Variants in SLC45A4 observed in about 807,000 individuals in gnomAD.
The protein encoded by SLC45A4 is polyamine-transporter SLC45A4.
Under a neutral mutation model 63.7 loss-of-function variants are expected in SLC45A4, and 32 were observed. That is an observed-to-expected ratio of 0.50 (90% CI 0.38 to 0.67). The LOEUF (loss-of-function observed/expected upper bound fraction) is 0.67, where lower values mean the gene tolerates loss of function less well. SLC45A4 is among the 30% of genes least tolerant of loss of function. The probability of loss-of-function intolerance (pLI) is 0.00; values close to 1 mark genes in which losing one functional copy is unlikely to be tolerated. For missense variants in SLC45A4, 1,027 were observed against 1,157.7 expected (o/e 0.89, Z 1.64); for synonymous variants, 535 against 510.0 (o/e 1.05, Z -0.66).
At position 141,227,807 on chromosome 8, in the gene SLC45A4, G is replaced by A. The variant is rs74745663; in HGVS notation, c.242-6042C>T. On this transcript the variant is annotated intron_variant, in intron 2 of 8. Coordinates refer to ENST00000517878, the MANE Select transcript of SLC45A4 (RefSeq NM_001286646.2). The surrounding 1 kb of genome is among the most constrained non-coding windows in gnomAD (Gnocchi z 4.4). ...GCTTTTCCTGAGCCTACTACAAACCGGCCCGTCATTTAGGGTGGAGGGGAC... is the reference window on the plus strand; with the variant it reads ...GCTTTTCCTGAGCCTACTACAAACCAGCCCGTCATTTAGGGTGGAGGGGAC... Among the ~76,000 whole-genome samples, 320 of 152,312 alleles carry A rather than the reference G, an allele frequency of 2.1e-3. 1 individual carries two copies. The highest frequency in any genetic ancestry group is 7.3e-3 in the African/African-American group (305 of 41,574).
chr8:141,218,597 C>T lies in SLC45A4; in HGVS notation c.1043G>A (p.Ser348Asn), dbSNP rs1391638306. The T allele has an allele frequency of 6.2e-7, 1 of 1,613,448 alleles. No individual in the cohort carries two copies. The highest frequency in any genetic ancestry group is 1.1e-5 in the South Asian group (1 of 91,082). The change falls in exon 5 of 9, where the codon AGC becomes AAC. Residue 348 changes from serine (S) to asparagine (N), a missense_variant. Coordinates refer to ENST00000517878, the MANE Select transcript of SLC45A4 (RefSeq NM_001286646.2). The part of the protein sequence containing the change: ...ASYPATPRST[S>N]QELAKTKLPR... ...CAGCTTGGTCTTGGCGAGCTCCTGG[C>T]TGGTGCTGCGGGGGGTGGCGGGGTA...
At chr8:141,230,914 A>AGGAT (rs1180574293) in intron 2 of SLC45A4, among the ~76,000 whole-genome samples, 1 of 152,200 alleles carries the variant, frequency 6.6e-6, no homozygotes, top group Admixed American at 6.5e-5. Flanking sequence ...CCGGGGATCC[A>AGGAT]GGAATGCGGA....
intron 1 of SLC45A4, among the ~76,000 whole-genome samples, chr8:141,301,948 G>A (rs1164012417): frequency 6.6e-6 from 1 of 151,456 alleles, no homozygotes; most frequent in African/African-American, 2.4e-5. Flanking sequence ...GGTGACAGAG[G>A]GAAACACTGT....
At chr8:141,216,066 C>CCAGCTGAACCCAG (rs1826131717) in intron 6 of SLC45A4, 96 bp from the exon 7 acceptor site, 2 of 1,095,710 alleles carry the variant, frequency 1.8e-6, no homozygotes, top group Non-Finnish European at 2.6e-6. Flanking sequence ...CACATCCCCC[C>CCAGCTGAACCCAG]GACCTCCACT....
Position 141,217,182 on chromosome 8 carries a change from G to A in SLC45A4, c.1637C>T (p.Ser546Leu), listed in dbSNP as rs749995626. The change falls in exon 6 of 9, where the codon TCG (serine) becomes TTG (leucine). Residue 546 changes from serine (S) to leucine (L), a missense_variant. Physicochemically the swap from Ser to Leu is moderately radical, Grantham distance 145. Coordinates refer to ENST00000517878, the MANE Select transcript of SLC45A4 (RefSeq NM_001286646.2). The stretch of plus-strand genomic sequence containing the variant: ...GTAGGCTTGCCAGGCGGTCGAGTTC[G>A]AGGGGGCCTGTTCCGGAAATGAGAC... ...VIFEGDPKAPSNSTAWQAYNA... is the reference protein window; with the variant it reads ...VIFEGDPKAPLNSTAWQAYNA... 7.4e-6 allele frequency: 12 copies of A among 1,613,488 alleles called. No individual in the cohort carries two copies. Among genetic ancestry groups the A allele is most frequent in the East Asian group, 6.7e-5 (3 of 44,878 alleles).
chr8:141,272,763 C>CT (rs1829590115), intron 1 of SLC45A4, among the ~76,000 whole-genome samples: 1 of 152,140 alleles, frequency 6.6e-6, no homozygotes, highest in African/African-American at 2.4e-5. Context: ...CTGCCTGGAG[C>CT]CGAGTTCCAA....
chr8:141,304,578 G>A lies in SLC45A4; in HGVS notation c.-401+3518C>T, dbSNP rs894075599. Among the ~76,000 whole-genome samples the A allele has an allele frequency of 8.6e-5, 13 of 150,922 alleles. 2 individuals are homozygous for A. Among genetic ancestry groups the A allele is most frequent in the Non-Finnish European group, 1.5e-5 (1 of 67,674 alleles). On this transcript the variant is annotated intron_variant, in intron 1 of 8. Coordinates refer to ENST00000517878, the MANE Select transcript of SLC45A4 (RefSeq NM_001286646.2). ...TCTCAAAAAAAAAAAAAAAAAGGGGGGGAGAGAGAGAACTTCCTCTCCCTC... is the reference window on the plus strand; with the variant it reads ...TCTCAAAAAAAAAAAAAAAAAGGGGAGGAGAGAGAGAACTTCCTCTCCCTC...
At chr8:141,233,410 G>A (rs11167038) in intron 2 of SLC45A4, among the ~76,000 whole-genome samples, 16,506 of 152,196 alleles carry the variant, frequency 0.11, 1,109 homozygotes, top group East Asian at 0.16. Context: ...ACACAGCCAG[G>A]TGCGGTGGCT....
At chr8:141,241,195 C>T (rs1219736158) in intron 2 of SLC45A4, among the ~76,000 whole-genome samples, 1 of 152,266 alleles carries the variant, frequency 6.6e-6, no homozygotes, top group Non-Finnish European at 1.5e-5. Context: ...TCACAAACGG[C>T]CAGGCTGCGG....
At chr8:141,274,623 T>C (rs530330576) in intron 1 of SLC45A4, among the ~76,000 whole-genome samples, 8 of 151,814 alleles carry the variant, frequency 5.3e-5, no homozygotes, top group African/African-American at 1.7e-4. Flanking sequence ...ATTCCTACTT[T>C]CTAAGACCAA....
intron 1 of SLC45A4, among the ~76,000 whole-genome samples, chr8:141,267,109 A>C (rs556482523): frequency 6.6e-6 from 1 of 152,360 alleles, no homozygotes; most frequent in South Asian, 2.1e-4. Flanking sequence ...TGAACGGCCA[A>C]ATCTGTGTGC....
Position 141,256,550 on chromosome 8 carries a change from C to T in SLC45A4, c.-400-1921G>A, listed in dbSNP as rs1427371294. The T allele has an allele frequency of 2.2e-6, 1 of 456,142 alleles. No homozygotes were observed. Among genetic ancestry groups the T allele is most frequent in the Non-Finnish European group, 4.4e-6 (1 of 226,978 alleles). The allele number at this position is 456,142 out of a possible 1,614,324, so 28.3% of individuals were successfully genotyped here. On this transcript the variant is annotated intron_variant, in intron 1 of 8. Coordinates refer to ENST00000517878, the MANE Select transcript of SLC45A4 (RefSeq NM_001286646.2). This position sits in a 1 kb window ranked among gnomAD's most constrained non-coding sequence, Gnocchi z 4.3. ...GGGCCCCAGGAGGGAGAAGACTCCG[C>T]TGTACAGGAGGTTCTGGAAGGAAGC...
chr8:141,272,567 G>A lies in SLC45A4; in HGVS notation c.-400-17938C>T, dbSNP rs532954001. ...TCAGACCAGCCATTCCTCACCTCAC[G>A]GAGTCCTGCCTGGCTCCCCAAACCC... On this transcript the variant is annotated intron_variant, in intron 1 of 8. Coordinates refer to ENST00000517878, the MANE Select transcript of SLC45A4 (RefSeq NM_001286646.2). Among the ~76,000 whole-genome samples the A allele has an allele frequency of 1.2e-4, 19 of 152,264 alleles. No homozygotes were observed. In the East Asian group the frequency reaches 3.5e-3, roughly 28 times the overall value.
intron 2 of SLC45A4, among the ~76,000 whole-genome samples, chr8:141,250,573 C>A (rs1162036204): frequency 6.6e-6 from 1 of 152,038 alleles, no homozygotes; most frequent in Admixed American, 6.5e-5. Context: ...TTTGTAGACA[C>A]GGAGTTTCAC....
chr8:141,296,752 C>G (rs1374421303), intron 1 of SLC45A4, among the ~76,000 whole-genome samples: 1 of 140,928 alleles, frequency 7.1e-6, no homozygotes, highest in Non-Finnish European at 1.5e-5. Flanking sequence ...AGGAGAATCG[C>G]TTGTACCCAC....
At chr8:141,292,108 T>C (rs1449243292) in intron 1 of SLC45A4, among the ~76,000 whole-genome samples, 1 of 152,110 alleles carries the variant, frequency 6.6e-6, no homozygotes, top group Non-Finnish European at 1.5e-5. Context: ...ACGGCCCTAC[T>C]CCCCGCCCCT....
chr8:141,299,008 G>A (rs897844962), intron 1 of SLC45A4, among the ~76,000 whole-genome samples: 2 of 151,486 alleles, frequency 1.3e-5, no homozygotes, highest in African/African-American at 2.4e-5. Flanking sequence ...CCCACCAGGC[G>A]CTGCTCCAGA....
In SLC45A4 at chr8:141,283,487, C is replaced by T. The variant is rs556391713; in HGVS notation, c.-401+24609G>A. 8.8e-4 allele frequency among the ~76,000 whole-genome samples: 134 copies of T among 152,248 alleles called. 1 individual carries two copies. Among genetic ancestry groups the T allele is most frequent in the Non-Finnish European group, 1.7e-3 (119 of 68,038 alleles). On this transcript the variant is annotated intron_variant, in intron 1 of 8. Coordinates refer to ENST00000517878, the MANE Select transcript of SLC45A4 (RefSeq NM_001286646.2). The stretch of plus-strand genomic sequence containing the variant: ...GGAGAACCAATGAAGGCTTCTCGCA[C>T]TGCATCCCTGGATGTCCCAACCGCT...
At chr8:141,288,845 G>A (rs953616527) in intron 1 of SLC45A4, among the ~76,000 whole-genome samples, 2 of 152,238 alleles carry the variant, frequency 1.3e-5, no homozygotes, top group African/African-American at 4.8e-5. Context: ...ACAAGTCCCC[G>A]TGCAGCCACA....
Sources: allele counts gnomAD v4.1 joint callset (sites outside exome capture counted in the v4.1 genomes callset), GRCh38; gene constraint gnomAD v4.1.1; non-coding constraint Gnocchi (gnomAD v3.1); transcripts MANE v1.5; gene names NCBI Gene and HGNC (gene_info 2026-07-23, HGNC 2026-07-21).